Variants in CDC42SE2 observed in about 807,000 individuals in gnomAD.
CDC42SE2 encodes the protein CDC42 small effector 2.
In CDC42SE2, 3 loss-of-function variants were observed where a neutral mutation model predicts 11.5. That is an observed-to-expected ratio of 0.26 (90% CI 0.12 to 0.67). The LOEUF (loss-of-function observed/expected upper bound fraction) is 0.67. CDC42SE2 is among the 30% of genes least tolerant of loss of function. The pLI is 0.80. For missense variants in CDC42SE2, 82 were observed against 106.8 expected, an observed-to-expected ratio of 0.77 and a Z score of 1.02; for synonymous variants, 33 against 34.8, an observed-to-expected ratio of 0.95 and a Z score of 0.18.
intron 2 of CDC42SE2, among the ~76,000 whole-genome samples, chr5:131,345,777 C>A (rs193271214): frequency 6.6e-6 from 1 of 152,166 alleles, no homozygotes; most frequent in African/African-American, 2.4e-5. Flanking sequence ...CAAAGGGAAG[C>A]CCATCAGACT....
chr5:131,367,996 G>A (rs993003313), intron 3 of CDC42SE2, among the ~76,000 whole-genome samples: 2 of 152,098 alleles, frequency 1.3e-5, no homozygotes, highest in Non-Finnish European at 2.9e-5. Context: ...GCTCACACCT[G>A]TAATCCCAGC....
intron 2 of CDC42SE2, among the ~76,000 whole-genome samples, chr5:131,339,699 A>G (rs915862411): frequency 6.6e-6 from 1 of 151,776 alleles, no homozygotes; most frequent in Non-Finnish European, 1.5e-5. Flanking sequence ...AGTCCCAGCT[A>G]CTTGTGAGGC....
chr5:131,222,347 A>G, the CDC42SE2 span, among the ~76,000 whole-genome samples: 1 of 152,196 alleles, frequency 6.6e-6, no homozygotes, highest in Non-Finnish European at 1.5e-5. Flanking sequence ...TTGCTACAAG[A>G]CTGCCTGGGC....
chr5:131,365,150 C>A lies in CDC42SE2; in HGVS notation c.54+5603C>A, dbSNP rs967612238. 1.2e-4 allele frequency among the ~76,000 whole-genome samples: 18 copies of A among 151,922 alleles called. 1 individual carries two copies. Among genetic ancestry groups the A allele is most frequent in the Middle Eastern group, 3.4e-3 (1 of 294 alleles). On this transcript the variant is annotated intron_variant, in intron 3 of 4. Coordinates refer to ENST00000505065, the MANE Select transcript of CDC42SE2 (RefSeq NM_001375635.1). ...ACTAAAAATACAAAAAATAGCTGGG[C>A]GTGGTGTCGCATGCCTGTAATCCCA... is the stretch of plus-strand genomic sequence containing the variant.
intron 3 of CDC42SE2, among the ~76,000 whole-genome samples, chr5:131,372,137 A>G (rs1750029014): frequency 6.6e-6 from 1 of 152,186 alleles, no homozygotes; most frequent in African/African-American, 2.4e-5. Flanking sequence ...ACTTATGCAT[A>G]TATTCAAAAG....
chr5:131,368,975 G>A (rs1472370521), intron 3 of CDC42SE2, among the ~76,000 whole-genome samples: 3 of 152,078 alleles, frequency 2.0e-5, no homozygotes, highest in African/African-American at 7.2e-5. Flanking sequence ...CATATTACTC[G>A]TTAAGAAATA....
chr5:131,336,963 G>C (rs1186205018), intron 2 of CDC42SE2, among the ~76,000 whole-genome samples: 2 of 152,066 alleles, frequency 1.3e-5, no homozygotes, highest in Non-Finnish European at 2.9e-5. Flanking sequence ...GCCTTCCTCT[G>C]TCAGCTCGTC....
intron 1 of CDC42SE2, among the ~76,000 whole-genome samples, chr5:131,270,714 A>G (rs1278475091): frequency 6.6e-6 from 1 of 152,214 alleles, no homozygotes; most frequent in Admixed American, 6.5e-5. Flanking sequence ...TCTTCTGGTC[A>G]CTTGTCAATA....
At chr5:131,283,185 C>G (rs112879809) in intron 1 of CDC42SE2, among the ~76,000 whole-genome samples, 1 of 152,126 alleles carries the variant, frequency 6.6e-6, no homozygotes, top group Non-Finnish European at 1.5e-5. Context: ...CCTTGGCCTC[C>G]CAAAGTGCTG....
intron 4 of CDC42SE2, among the ~76,000 whole-genome samples, chr5:131,386,226 G>T (rs143985130): frequency 1.3e-5 from 2 of 152,170 alleles, no homozygotes; most frequent in Non-Finnish European, 2.9e-5. Flanking sequence ...TGTGCAGTTC[G>T]CAATAGGGTT....
chr5:131,298,764 C>T (rs956188789), intron 1 of CDC42SE2, among the ~76,000 whole-genome samples: 4 of 152,054 alleles, frequency 2.6e-5, no homozygotes, highest in African/African-American at 9.7e-5. Flanking sequence ...TCATATCTTC[C>T]CCTTGTGCTT....
chr5:131,238,725 T>TA, the CDC42SE2 span, among the ~76,000 whole-genome samples: 1 of 152,086 alleles, frequency 6.6e-6, no homozygotes, highest in Non-Finnish European at 1.5e-5. Context: ...TGTACTCTAA[T>TA]AAGTAGCTCA....
Position 131,366,193 on chromosome 5 carries a change from C to T in CDC42SE2, c.54+6646C>T, listed in dbSNP as rs1749852245. 4.6e-5 allele frequency among the ~76,000 whole-genome samples: 7 copies of T among 152,260 alleles called. No individual in the cohort carries two copies. The South Asian group carries it at 1.5e-3, about 32-fold the overall frequency. On this transcript the variant is annotated intron_variant, in intron 3 of 4. Transcript: ENST00000505065. ...ACTTTGTAATGTAGTGGATGGTATTCACTGTATATTGTACCTCTTCAGCTC... is the reference window on the plus strand; with the variant it reads ...ACTTTGTAATGTAGTGGATGGTATTTACTGTATATTGTACCTCTTCAGCTC...
chr5:131,309,115 A>G (rs574099920), intron 1 of CDC42SE2, among the ~76,000 whole-genome samples: 11 of 152,262 alleles, frequency 7.2e-5, no homozygotes, highest in East Asian at 3.9e-4. Context: ...TTTGAAATAC[A>G]TCCCATCAAT....
intron 2 of CDC42SE2, among the ~76,000 whole-genome samples, chr5:131,335,976 T>C (rs1758550141): frequency 6.6e-6 from 1 of 152,202 alleles, no homozygotes; most frequent in Admixed American, 6.5e-5. Flanking sequence ...ACATTTAAGG[T>C]TAGTATTGTT....
chr5:131,299,744 G>A (rs1028558283), intron 1 of CDC42SE2, among the ~76,000 whole-genome samples: 2 of 152,138 alleles, frequency 1.3e-5, no homozygotes, highest in Non-Finnish European at 2.9e-5. Context: ...GATGCTAATC[G>A]AACTCAGGGG....
intron 1 of CDC42SE2, among the ~76,000 whole-genome samples, chr5:131,269,721 G>A (rs968039705): frequency 6.7e-6 from 1 of 148,474 alleles, no homozygotes; most frequent in African/African-American, 2.5e-5. Flanking sequence ...CCGAGATTGC[G>A]CCACTGCACT....
At chr5:131,250,009 G>T (rs916224494) in intron 1 of CDC42SE2, among the ~76,000 whole-genome samples, 3 of 152,160 alleles carry the variant, frequency 2.0e-5, no homozygotes, top group African/African-American at 7.2e-5. Context: ...TGGTTCTGGG[G>T]CATAATGGGT....
intron 3 of CDC42SE2, among the ~76,000 whole-genome samples, chr5:131,375,910 T>G (rs1561434587): frequency 6.6e-6 from 1 of 152,164 alleles, no homozygotes; most frequent in East Asian, 1.9e-4. Flanking sequence ...ATTCAGCTTC[T>G]TTAACATGAA....
Sources: allele counts gnomAD v4.1 joint callset (sites outside exome capture counted in the v4.1 genomes callset), GRCh38; gene constraint gnomAD v4.1.1; transcripts MANE v1.5; gene names NCBI Gene and HGNC (gene_info 2026-07-23, HGNC 2026-07-21).